EIF4G3: variants seen among roughly 807,000 people sequenced by gnomAD.
The protein encoded by EIF4G3 is eukaryotic translation initiation factor 4 gamma 3.
EIF4G3 carries 34 observed loss-of-function variants against 186.4 expected under a neutral mutation model. The ratio of observed to expected loss-of-function variants is 0.18; its 90% CI spans 0.14 to 0.24. The LOEUF (loss-of-function observed/expected upper bound fraction) is 0.24. Among genes scored for constraint, EIF4G3 ranks in the 10% least tolerant of loss-of-function variants. The pLI is 1.00. For synonymous variants in EIF4G3, 673 were observed against 679.5 expected (o/e 0.99, Z 0.15); for missense variants, 1,536 against 1,948.5 (o/e 0.79, Z 3.99).
chr1:21,079,669 G>A (rs1483610313), intron 3 of EIF4G3, among the ~76,000 whole-genome samples: 1 of 149,666 alleles, frequency 6.7e-6, no homozygotes, highest in Non-Finnish European at 1.5e-5. Flanking sequence ...GGATGACACA[G>A]TAAGACCCTG....
intron 12 of EIF4G3, among the ~76,000 whole-genome samples, chr1:20,968,754 T>C (rs1418577816): frequency 1.3e-5 from 2 of 152,112 alleles, no homozygotes; most frequent in Non-Finnish European, 2.9e-5. Context: ...AATACTACAG[T>C]ATGACAACTA....
chr1:21,048,434 T>C (rs993860818), intron 4 of EIF4G3, among the ~76,000 whole-genome samples: 1 of 152,134 alleles, frequency 6.6e-6, no homozygotes, highest in Non-Finnish European at 1.5e-5. Flanking sequence ...TAGAGATATG[T>C]AGAAGGAAAG....
intron 4 of EIF4G3, among the ~76,000 whole-genome samples, chr1:21,024,349 G>T (rs2091660133): frequency 6.6e-6 from 1 of 152,204 alleles, no homozygotes; most frequent in South Asian, 2.1e-4. Context: ...GAGGTGGGGG[G>T]GTCAGCCCCC....
At chr1:21,094,544 TCTCA>T (rs2096299767) in intron 2 of EIF4G3, among the ~76,000 whole-genome samples, 1 of 147,808 alleles carries the variant, frequency 6.8e-6, no homozygotes, top group Non-Finnish European at 1.5e-5. Context: ...CACCACATGT[TCTCA>T]CTCATAGGTG....
chr1:20,938,790 A>T (rs1319402209), intron 14 of EIF4G3, among the ~76,000 whole-genome samples: 1 of 152,224 alleles, frequency 6.6e-6, no homozygotes, highest in African/African-American at 2.4e-5. Context: ...TGAATGGGTC[A>T]GAAATGCTTC....
chr1:21,158,681 C>T (rs2097704210), intron 2 of EIF4G3, among the ~76,000 whole-genome samples: 1 of 151,970 alleles, frequency 6.6e-6, no homozygotes, highest in Non-Finnish European at 1.5e-5. Flanking sequence ...GAAGCTGAGG[C>T]AGTAGAATTA....
intron 30 of EIF4G3, among the ~76,000 whole-genome samples, chr1:20,835,013 T>C (rs1212659174): frequency 6.6e-6 from 1 of 152,180 alleles, no homozygotes; most frequent in Non-Finnish European, 1.5e-5. Context: ...AGGACTGAAA[T>C]CATATCAAGT....
At chr1:21,098,058 T>A (rs760882081) in intron 2 of EIF4G3, among the ~76,000 whole-genome samples, 1 of 152,040 alleles carries the variant, frequency 6.6e-6, no homozygotes, top group Non-Finnish European at 1.5e-5. Context: ...TTGGGCAACA[T>A]AGCAAGCAAG....
At chr1:20,843,900 T>C (rs550428920) in intron 29 of EIF4G3, among the ~76,000 whole-genome samples, 1 of 152,316 alleles carries the variant, frequency 6.6e-6, no homozygotes, top group Admixed American at 6.5e-5. Context: ...AGTGAGAACA[T>C]GAAGTATTTG....
chr1:21,074,169 G>A (rs1012316641), intron 3 of EIF4G3, among the ~76,000 whole-genome samples: 11 of 152,000 alleles, frequency 7.2e-5, no homozygotes, highest in Non-Finnish European at 1.5e-4. Flanking sequence ...ACTGCCATTA[G>A]GGCCAGGATA....
intron 20 of EIF4G3, among the ~76,000 whole-genome samples, chr1:20,866,378 T>C (rs1373698611): frequency 6.6e-6 from 1 of 152,272 alleles, no homozygotes; most frequent in African/African-American, 2.4e-5. Context: ...ATTTAACAGA[T>C]CCAGTAATAA....
At chr1:20,902,951 C>T (rs868335210) in intron 15 of EIF4G3, among the ~76,000 whole-genome samples, 10 of 152,182 alleles carry the variant, frequency 6.6e-5, no homozygotes, top group African/African-American at 2.2e-4. Flanking sequence ...TTGTCTTAAA[C>T]TATAAAGTTA....
intron 2 of EIF4G3, among the ~76,000 whole-genome samples, chr1:21,156,860 A>G (rs1194646898): frequency 6.6e-6 from 1 of 152,068 alleles, no homozygotes; most frequent in African/African-American, 2.4e-5. Context: ...GGATCGCTTG[A>G]GCCCAGGAGT....
intron 7 of EIF4G3, among the ~76,000 whole-genome samples, chr1:20,991,412 A>G (rs987464000): frequency 2.0e-5 from 3 of 152,118 alleles, no homozygotes; most frequent in Non-Finnish European, 4.4e-5. Flanking sequence ...TACAAAAAAT[A>G]CAAAAGTTAG....
At position 20,962,570 on chromosome 1, in the gene EIF4G3, T is replaced by C. The variant is rs2073579613; in HGVS notation, c.714+6904A>G. Among the ~76,000 whole-genome samples, 3 of 152,332 alleles carry C rather than the reference T, an allele frequency of 2.0e-5. No individual in the cohort carries two copies. In the South Asian group the frequency reaches 6.2e-4, roughly 32 times the overall value. On this transcript the variant is annotated intron_variant, in intron 12 of 36. Coordinates refer to ENST00000602326, the MANE Select transcript of EIF4G3 (RefSeq NM_001391906.1). ...GCAACTCAACTTTTTCTTGTAATGT[T>C]AGCACTTTTCTCTGCCTCTTGGAAG...
chr1:20,828,636 C>T (rs575012846), intron 31 of EIF4G3, among the ~76,000 whole-genome samples: 5 of 152,194 alleles, frequency 3.3e-5, no homozygotes, highest in Non-Finnish European at 5.9e-5. Flanking sequence ...ACTAGTGTTT[C>T]GAAGAACAGA....
intron 20 of EIF4G3, among the ~76,000 whole-genome samples, chr1:20,869,315 T>TC (rs2078459916): frequency 6.8e-6 from 1 of 146,384 alleles, no homozygotes; most frequent in Admixed American, 6.8e-5. Context: ...AATTTTTTTT[T>TC]TTTTTTTTTT....
intron 4 of EIF4G3, among the ~76,000 whole-genome samples, chr1:21,031,688 A>C (rs2092762285): frequency 6.6e-6 from 1 of 152,182 alleles, no homozygotes; most frequent in Non-Finnish European, 1.5e-5. Flanking sequence ...GCAGAGAGAG[A>C]TTCTACAAGC....
chr1:21,140,165 A>G (rs114444193), intron 2 of EIF4G3, among the ~76,000 whole-genome samples: 1,903 of 152,326 alleles, frequency 0.012, 40 homozygotes, highest in African/African-American at 0.042. Context: ...TATTCTCTAG[A>G]CATTTGTGGA....
Sources: allele counts gnomAD v4.1 joint callset (sites outside exome capture counted in the v4.1 genomes callset), GRCh38; gene constraint gnomAD v4.1.1; transcripts MANE v1.5; gene names NCBI Gene and HGNC (gene_info 2026-07-23, HGNC 2026-07-21).